The following HMCN2 variants were observed in gnomAD, a reference collection of about 807,000 sequenced individuals.
HMCN2 encodes the protein hemicentin-2.
A neutral mutation model predicts 377.5 loss-of-function variants in HMCN2; 325 were observed. The ratio of observed to expected loss-of-function variants is 0.86; its 90% CI spans 0.79 to 0.94. HMCN2 has a LOEUF of 0.94. HMCN2 is among the 40% of genes least tolerant of loss of function. The pLI is 0.00. For missense variants in HMCN2, 4,543 were observed against 4,725.3 expected (o/e 0.96, Z 1.13); for synonymous variants, 2,007 against 2,046.8 (o/e 0.98, Z 0.53).
At chr9:130,278,125 G>T (rs35620429) in intron 1 of HMCN2, among the ~76,000 whole-genome samples, 106,363 of 136,844 alleles carry the variant, frequency 0.78, 41,774 homozygotes, top group East Asian at 0.89. Flanking sequence ...TGTTTGGTTG[G>T]TTGGTTGGTT....
intron 53 of HMCN2, 98 bp downstream of exon 53, chr9:130,377,897 A>C: frequency 1.1e-6 from 1 of 900,354 alleles, no homozygotes; most frequent in Non-Finnish European, 1.3e-6. Context: ...CCTGCAGCTC[A>C]CGCGCCACCC....
chr9:130,420,325 C>T (rs532892283), intron 86 of HMCN2, among the ~76,000 whole-genome samples: 182 of 152,172 alleles, frequency 1.2e-3, no homozygotes, highest in Admixed American at 3.8e-3. Flanking sequence ...CCGCCCATCT[C>T]GGCCTCCCAA....
chr9:130,344,036 G>A (rs1257475088), intron 25 of HMCN2, among the ~76,000 whole-genome samples: 1 of 152,102 alleles, frequency 6.6e-6, no homozygotes, highest in Non-Finnish European at 1.5e-5. Context: ...ACCCTGGGCA[G>A]CAGCTGGTGC....
chr9:130,390,436 G>A (rs1842255181), intron 62 of HMCN2, among the ~76,000 whole-genome samples: 1 of 152,238 alleles, frequency 6.6e-6, no homozygotes, highest in Non-Finnish European at 1.5e-5. Context: ...TCGTGTCTTT[G>A]TGTTGAGAGG....
chr9:130,418,826 A>G lies in HMCN2; in HGVS notation c.13016A>G (p.Asp4339Gly), dbSNP rs1463330618. Residue 4339 changes from aspartate to glycine, a missense_variant, in exon 86 of 98, where the codon GAC becomes GGC. Around this residue, in one of 5 missense-constraint regions of HMCN2, gnomAD observed 1,155 missense variants for 1,157.7 expected, o/e 1.00. Transcript: ENST00000683500. ...PQDMTVRSGD[D>G]VALRCQATGE... ...GACATGACAGTGAGATCTGGGGATG[A>G]CGTGGCCCTGCGGTGCCAGGCCACT... 6.5e-7 allele frequency: 1 copy of G among 1,533,582 alleles called. No individual in the cohort carries two copies. The highest frequency in any genetic ancestry group is 2.0e-5 in the Admixed American group (1 of 49,288). The allele number at this position is 1,533,582 out of a possible 1,614,324, so 95.0% of individuals were successfully genotyped here.
Position 130,419,409 on chromosome 9 carries a change from C to T in HMCN2, c.13231+368C>T, listed in dbSNP as rs377538684. 2.8e-5 allele frequency: 5 copies of T among 179,806 alleles called. No individual in the cohort carries two copies. In the East Asian group the frequency reaches 7.5e-4, roughly 27 times the overall value. The allele number at this position is 179,806 out of a possible 1,614,324, so 11.1% of individuals were successfully genotyped here. ...TCTGTGCATCAGTGCATGTCCCAGG[C>T]ATCACACATTGCCTGGCCGTGGCAG... On this transcript the variant is annotated intron_variant, in intron 86 of 97. Transcript: ENST00000683500.
intron 74 of HMCN2, among the ~76,000 whole-genome samples, chr9:130,398,239 C>T (rs1012888966): frequency 6.6e-6 from 1 of 151,974 alleles, no homozygotes; most frequent in Non-Finnish European, 1.5e-5. Context: ...AGTCTCCTCC[C>T]CCTCCAACAG....
chr9:130,424,394 G>C (rs528580642), intron 87 of HMCN2, among the ~76,000 whole-genome samples: 2 of 149,792 alleles, frequency 1.3e-5, no homozygotes, highest in South Asian at 4.2e-4. Flanking sequence ...CACCGTGTTA[G>C]CCAGGATGGT....
intron 89 of HMCN2, among the ~76,000 whole-genome samples, 187 bp from the exon 90 acceptor site, chr9:130,425,500 C>T (rs573096938): frequency 6.6e-6 from 1 of 151,922 alleles, no homozygotes; most frequent in South Asian, 2.1e-4. Context: ...CTTCCCAAGG[C>T]TCACCCCATC....
rs1029741965 is a variant in HMCN2 at position 130,376,119 on chromosome 9, G to A, written c.7918+130G>A. 10 of 192,814 alleles carry A rather than the reference G, an allele frequency of 5.2e-5. No individual in the cohort carries two copies. The East Asian group carries it at 5.6e-4, about 11-fold the overall frequency. 11.9% of individuals were successfully genotyped at this position (192,814 alleles called of 1,614,324 possible). ...TGGCATATGTCCTCTGACAGTCACC[G>A]GGCAGCTAGGGCGGGCTCCAGAGGA... On this transcript the variant is annotated intron_variant, in intron 51 of 97. Coordinates refer to ENST00000683500, the MANE Select transcript of HMCN2 (RefSeq NM_001291815.2).
At chr9:130,330,968 AACACACACACACAC>A (rs1173053980) in intron 22 of HMCN2, among the ~76,000 whole-genome samples, 4 of 131,510 alleles carry the variant, frequency 3.0e-5, no homozygotes, top group African/African-American at 8.9e-5. Context: ...TCTCTACTGA[AACACACACACACAC>A]ACACACACAC....
intron 76 of HMCN2, chr9:130,400,577 C>CTT: frequency 5.3e-5 from 12 of 228,438 alleles, no homozygotes; most frequent in Middle Eastern, 1.5e-3. Context: ...AAAAAATACA[C>CTT]TTTTTTTTTT....
intron 81 of HMCN2, 90 bp downstream of exon 81, chr9:130,405,149 C>G (rs1451552609): frequency 2.2e-6 from 2 of 890,788 alleles, no homozygotes; most frequent in Non-Finnish European, 2.9e-6. Flanking sequence ...CAGCCTTTAA[C>G]CCTGGGAGCC....
In HMCN2 at chr9:130,278,022, C is replaced by T. The variant is rs1257788596; in HGVS notation, c.260-6581C>T. ...CCACCACCACCATCATCATCACCAC[C>T]ACCACGATCATCACCACCACCATCA... On this transcript the variant is annotated intron_variant, in intron 1 of 97. Coordinates refer to ENST00000683500, the MANE Select transcript of HMCN2 (RefSeq NM_001291815.2). Among the ~76,000 whole-genome samples the T allele has an allele frequency of 2.5e-3, 18 of 7,342 alleles. 6 individuals are homozygous for T. Among genetic ancestry groups the T allele is most frequent in the African/African-American group, 0.015 (10 of 680 alleles). The allele number at this position is 7,342 out of a possible 152,430, so 4.8% of individuals were successfully genotyped here. A position where few individuals can be genotyped will look rare whatever the true frequency, so the allele number is the denominator to read the frequency against.
In HMCN2 at chr9:130,334,433, A is replaced by G. The variant is rs1838596501; in HGVS notation, c.3360-3461A>G. ...GTCCATCTGTAAAATGGATTCCCCCATTTCTTCCTTGGTGATGTAGCAAGC... is the reference window on the plus strand; with the variant it reads ...GTCCATCTGTAAAATGGATTCCCCCGTTTCTTCCTTGGTGATGTAGCAAGC... On this transcript the variant is annotated intron_variant, in intron 22 of 97. Coordinates refer to ENST00000683500, the MANE Select transcript of HMCN2 (RefSeq NM_001291815.2). Among the ~76,000 whole-genome samples, 5 of 150,974 alleles carry G rather than the reference A, an allele frequency of 3.3e-5. No homozygotes were observed. In the South Asian group the frequency reaches 1.1e-3, roughly 32 times the overall value.
intron 44 of HMCN2, among the ~76,000 whole-genome samples, 193 bp downstream of exon 44, chr9:130,368,630 C>G (rs549687325): frequency 1.3e-5 from 2 of 152,104 alleles, no homozygotes; most frequent in Non-Finnish European, 1.5e-5. Context: ...AATTTATAAA[C>G]GAGAGGCTTA....
chr9:130,303,148 T>C lies in HMCN2; in HGVS notation c.1421+147T>C, dbSNP rs1836613067. 3.3e-6 allele frequency: 1 copy of C among 305,870 alleles called. No individual in the cohort carries two copies. Among genetic ancestry groups the C allele is most frequent in the South Asian group, 2.7e-5 (1 of 37,172 alleles). 18.9% of individuals were successfully genotyped at this position (305,870 alleles called of 1,614,324 possible). On this transcript the variant is annotated intron_variant, in intron 9 of 97. Coordinates refer to ENST00000683500, the MANE Select transcript of HMCN2 (RefSeq NM_001291815.2). This position sits in a 1 kb window ranked among gnomAD's most constrained non-coding sequence, Gnocchi z 5.2. The stretch of plus-strand genomic sequence containing the variant: ...GGGCAGCCCAGCCTGGGACTTCCAG[T>C]GCAGCCAGGGATGGAGAGGAGTTTT...
chr9:130,433,178 C>T, intron 97 of HMCN2, 170 bp from the exon 98 acceptor site: 1 of 519,308 alleles, frequency 1.9e-6, no homozygotes, highest in East Asian at 3.5e-5. Flanking sequence ...AACTCTAAAA[C>T]GGGCTAGCGT....
chr9:130,348,971 C>T lies in HMCN2; in HGVS notation c.4156-13C>T. ...TCCCCTCTTACTGGCTCCCTCTGGCCTCTCCTACCCAGATTCCTAAGGTGG... is the reference window on the plus strand; with the variant it reads ...TCCCCTCTTACTGGCTCCCTCTGGCTTCTCCTACCCAGATTCCTAAGGTGG... On this transcript the variant is annotated splice_polypyrimidine_tract_variant and intron_variant, in intron 27 of 97. Transcript: ENST00000683500. The T allele has an allele frequency of 2.3e-6, 3 of 1,302,494 alleles. No individual in the cohort carries two copies. The highest frequency in any genetic ancestry group is 1.2e-5 in the South Asian group (1 of 80,956). 80.7% of individuals were successfully genotyped at this position (1,302,494 alleles called of 1,614,324 possible). A position where few individuals can be genotyped will look rare whatever the true frequency, so the allele number is the denominator to read the frequency against.
Sources: gnomAD v4.1 joint callset for allele counts (sites outside exome capture counted in the v4.1 genomes callset) on GRCh38, gnomAD v4.1.1 for gene constraint, gnomAD v4.1.1 regional missense constraint, Gnocchi (gnomAD v3.1) non-coding constraint, MANE v1.5 for transcripts, NCBI Gene and HGNC (gene_info 2026-07-23, HGNC 2026-07-21) for gene names.